CHCHD6: variants seen among roughly 807,000 people sequenced by gnomAD.
CHCHD6 encodes the protein coiled-coil-helix-coiled-coil-helix domain containing 6.
Under a neutral mutation model 32.3 loss-of-function variants are expected in CHCHD6, and 28 were observed. That is an observed-to-expected ratio of 0.87 (90% CI 0.64 to 1.19). The LOEUF is 1.19. Ranked by LOEUF, CHCHD6 falls within the 50% of genes most tolerant of loss-of-function variation. CHCHD6 has a pLI of 0.00. For synonymous variants in CHCHD6, 122 were observed against 117.5 expected (o/e 1.04, Z -0.25); for missense variants, 333 against 307.0 (o/e 1.08, Z -0.63).
Position 126,816,959 on chromosome 3 carries a change from A to G in CHCHD6, c.412-35688A>G, listed in dbSNP as rs187142393. ...TTTCCACCTATGAGTGAGAGCATGC[A>G]GTGTTTGGTTTTTTGTCCTTGCAAT... On this transcript the variant is annotated intron_variant, in intron 4 of 7. Coordinates refer to ENST00000290913, the MANE Select transcript of CHCHD6 (RefSeq NM_032343.3). 5.4e-3 allele frequency among the ~76,000 whole-genome samples: 821 copies of G among 151,866 alleles called. 4 individuals are homozygous for G. Among genetic ancestry groups the G allele is most frequent in the African/African-American group, 0.018 (758 of 41,388 alleles).
chr3:126,833,404 C>G (rs1212502983), intron 4 of CHCHD6, among the ~76,000 whole-genome samples: 1 of 152,200 alleles, frequency 6.6e-6, no homozygotes, highest in Non-Finnish European at 1.5e-5. Context: ...TTCTAAAGAT[C>G]TGCATAAATG....
chr3:126,929,984 C>T lies in CHCHD6; in HGVS notation c.566+15234C>T, dbSNP rs1410141043. ...AAAGCTGACCTCATCCATCTAGGTA[C>T]AGTGATCCATCTAGTTCCTAACATA... On this transcript the variant is annotated intron_variant, in intron 6 of 7. Coordinates refer to ENST00000290913, the MANE Select transcript of CHCHD6 (RefSeq NM_032343.3). 2.0e-5 allele frequency among the ~76,000 whole-genome samples: 3 copies of T among 152,196 alleles called. No individual in the cohort carries two copies. The East Asian group carries it at 5.8e-4, about 29-fold the overall frequency.
chr3:126,713,349 G>A (rs930480225), intron 1 of CHCHD6, among the ~76,000 whole-genome samples: 1 of 152,144 alleles, frequency 6.6e-6, no homozygotes, highest in African/African-American at 2.4e-5. Context: ...TCAGAGTTGA[G>A]GCTGATTGTG....
At chr3:126,734,169 C>T (rs1935939188) in intron 4 of CHCHD6, among the ~76,000 whole-genome samples, 1 of 152,230 alleles carries the variant, frequency 6.6e-6, no homozygotes, top group South Asian at 2.1e-4. Context: ...ATGGCTAAGC[C>T]AGTCCTCAGC....
intron 4 of CHCHD6, among the ~76,000 whole-genome samples, chr3:126,787,723 G>C (rs535364061): frequency 1.3e-5 from 2 of 152,168 alleles, no homozygotes; most frequent in African/African-American, 4.8e-5. Flanking sequence ...AGGAGATTTT[G>C]GGCTGAGACG....
At chr3:126,713,934 G>A (rs991975783) in intron 1 of CHCHD6, among the ~76,000 whole-genome samples, 7 of 151,814 alleles carry the variant, frequency 4.6e-5, no homozygotes, top group African/African-American at 7.3e-5. Context: ...AAAGTTAGCC[G>A]GGCATGGTGG....
chr3:126,815,000 T>C (rs1939817291), intron 4 of CHCHD6, among the ~76,000 whole-genome samples: 1 of 152,224 alleles, frequency 6.6e-6, no homozygotes, highest in Non-Finnish European at 1.5e-5. Flanking sequence ...ATTAATTGTT[T>C]GTTTACTGAT....
intron 6 of CHCHD6, among the ~76,000 whole-genome samples, chr3:126,917,985 C>A (rs569168718): frequency 6.6e-6 from 1 of 152,284 alleles, no homozygotes; most frequent in African/African-American, 2.4e-5. Context: ...ATTATAGCAG[C>A]CTGAATGGGC....
chr3:126,928,806 C>A (rs1443063504), intron 6 of CHCHD6, among the ~76,000 whole-genome samples: 1 of 152,210 alleles, frequency 6.6e-6, no homozygotes, highest in Non-Finnish European at 1.5e-5. Flanking sequence ...TGCTTAGTGG[C>A]ATCCCTGAAA....
intron 4 of CHCHD6, among the ~76,000 whole-genome samples, chr3:126,771,469 A>G (rs1311323618): frequency 6.6e-6 from 1 of 151,892 alleles, no homozygotes; most frequent in African/African-American, 2.4e-5. Context: ...TCGGCCTCCC[A>G]AAGTACTGGG....
At chr3:126,903,797 G>C (rs2077964941) in intron 5 of CHCHD6, among the ~76,000 whole-genome samples, 2 of 152,106 alleles carry the variant, frequency 1.3e-5, no homozygotes, top group Non-Finnish European at 2.9e-5. Context: ...TTCCCTCCTT[G>C]TCTGCCCTCA....
intron 6 of CHCHD6, among the ~76,000 whole-genome samples, chr3:126,933,529 T>G (rs755599318): frequency 6.6e-6 from 1 of 152,118 alleles, no homozygotes; most frequent in Non-Finnish European, 1.5e-5. Flanking sequence ...AAGCTTACAA[T>G]TATGGAGGAA....
intron 6 of CHCHD6, among the ~76,000 whole-genome samples, chr3:126,923,152 C>G (rs999428516): frequency 1.3e-5 from 2 of 152,182 alleles, no homozygotes; most frequent in African/African-American, 4.8e-5. Context: ...AGGTGAAACC[C>G]ATTTGACATC....
chr3:126,862,243 A>C (rs1392057755), intron 5 of CHCHD6, among the ~76,000 whole-genome samples: 3 of 68,978 alleles, frequency 4.3e-5, no homozygotes, highest in Admixed American at 1.6e-4. Context: ...CTCCATCACC[A>C]CCTCCTCCTC....
intron 5 of CHCHD6, among the ~76,000 whole-genome samples, chr3:126,862,749 C>A (rs1360492850): frequency 1.7e-5 from 1 of 57,464 alleles, no homozygotes; most frequent in Admixed American, 1.5e-4. Context: ...CCACCATCAC[C>A]ACCTCCTCCT....
intron 4 of CHCHD6, among the ~76,000 whole-genome samples, chr3:126,840,867 T>TTTTA (rs1034426517): frequency 3.2e-4 from 48 of 151,706 alleles, no homozygotes; most frequent in African/African-American, 9.4e-4. Context: ...GAGAAGTTCT[T>TTTTA]TTTATTTATT....
intron 6 of CHCHD6, among the ~76,000 whole-genome samples, chr3:126,928,058 G>A (rs77915729): frequency 0.012 from 1,815 of 152,296 alleles, 20 homozygotes; most frequent in Middle Eastern, 0.048. Flanking sequence ...TTGGTAAAGC[G>A]TTTCCCTCAG....
chr3:126,759,789 T>C (rs1004248940), intron 4 of CHCHD6, among the ~76,000 whole-genome samples: 2 of 152,202 alleles, frequency 1.3e-5, no homozygotes, highest in Admixed American at 6.5e-5. Flanking sequence ...ATGGTAAAGG[T>C]ACTGTTAGTC....
At position 126,732,216 on chromosome 3, in the gene CHCHD6, A is replaced by G. The variant is rs535596847; in HGVS notation, c.267-862A>G. Among the ~76,000 whole-genome samples, 119 of 152,296 alleles carry G rather than the reference A, an allele frequency of 7.8e-4. 1 individual carries two copies. Among genetic ancestry groups the G allele is most frequent in the African/African-American group, 2.6e-3 (110 of 41,572 alleles). On this transcript the variant is annotated intron_variant, in intron 3 of 7. Transcript: ENST00000290913. The stretch of plus-strand genomic sequence containing the variant: ...TTTAGAAAATATACAAAGTGAAAAA[A>G]TCACCCATAGACTCATCATCTCAAG...
Sources: gnomAD v4.1 joint callset for allele counts (sites outside exome capture counted in the v4.1 genomes callset) on GRCh38, gnomAD v4.1.1 for gene constraint, MANE v1.5 for transcripts, NCBI Gene and HGNC (gene_info 2026-07-23, HGNC 2026-07-21) for gene names.